ARFGAP3: variants seen among roughly 807,000 people sequenced by gnomAD.
ARFGAP3 encodes the protein ARF GTPase activating protein 3.
A neutral mutation model predicts 75.0 loss-of-function variants in ARFGAP3; 72 were observed. That is an observed-to-expected ratio of 0.96 (90% CI 0.79 to 1.17). The LOEUF is 1.17. Among genes scored for constraint, ARFGAP3 ranks in the 50% most tolerant of loss-of-function variants. ARFGAP3 has a pLI of 0.00. For synonymous variants in ARFGAP3, 221 were observed against 217.9 expected, an observed-to-expected ratio of 1.01 and a Z score of -0.13; for missense variants, 620 against 626.6, an observed-to-expected ratio of 0.99 and a Z score of 0.11.
chr22:42,828,641 A>G (rs1022560309), intron 6 of ARFGAP3, among the ~76,000 whole-genome samples: 4 of 150,234 alleles, frequency 2.7e-5, no homozygotes, highest in South Asian at 2.1e-4. Flanking sequence ...GAGGTTACAC[A>G]TATCTCCTGT....
chr22:42,823,789 CTTTATTA>C, intron 7 of ARFGAP3, 87 bp from the exon 8 acceptor site: 1 of 1,278,602 alleles, frequency 7.8e-7, no homozygotes, highest in Non-Finnish European at 1.0e-6. Context: ...AGATACTGCA[CTTTATTA>C]TTTAAGAGAT....
At chr22:42,822,842 T>C (rs1040814770) in intron 8 of ARFGAP3, among the ~76,000 whole-genome samples, 1 of 152,158 alleles carries the variant, frequency 6.6e-6, no homozygotes, top group Non-Finnish European at 1.5e-5. Context: ...CAGGCTCTCA[T>C]GCTGTTGACC....
At chr22:42,814,439 G>C (rs1925494019) in intron 11 of ARFGAP3, among the ~76,000 whole-genome samples, 1 of 152,138 alleles carries the variant, frequency 6.6e-6, no homozygotes, top group Non-Finnish European at 1.5e-5. Context: ...AATACACCAA[G>C]GTCTCTCTGG....
chr22:42,810,883 C>T lies in ARFGAP3; in HGVS notation c.1126G>A (p.Asp376Asn). ...CTGGTCTCTTTTTTCCAATAGGAAT[C>T]TGAACTGTCATCCCAGCTAGAGAAA... ...SSFSSWDDSSDSYWKKETSKD... is the reference protein window; with the variant it reads ...SSFSSWDDSSNSYWKKETSKD... Residue 376 changes from aspartate (D) to asparagine (N), a missense_variant, in exon 12 of 16, where the codon GAT (aspartate) becomes AAT (asparagine). Physicochemically the swap from Asp to Asn is conservative, Grantham distance 23 (BLOSUM62 1). Transcript: ENST00000263245. The T allele has an allele frequency of 6.2e-7, 1 of 1,614,214 alleles. No individual in the cohort carries two copies. The highest frequency in any genetic ancestry group is 8.5e-7 in the Non-Finnish European group (1 of 1,180,044).
intron 11 of ARFGAP3, among the ~76,000 whole-genome samples, chr22:42,811,584 GT>G (rs1569141124): frequency 6.6e-6 from 1 of 152,218 alleles, no homozygotes; most frequent in Non-Finnish European, 1.5e-5. Flanking sequence ...TCCTCCTGGA[GT>G]TGGATACAAA....
At chr22:42,834,370 G>A (rs758462538) in intron 4 of ARFGAP3, 45 bp from the exon 5 acceptor site, 20 of 1,597,388 alleles carry the variant, frequency 1.3e-5, no homozygotes, top group Middle Eastern at 1.7e-4. Flanking sequence ...CATCCGGCCT[G>A]TAAAGGATTT....
At chr22:42,845,377 T>C (rs1926967116) in intron 2 of ARFGAP3, among the ~76,000 whole-genome samples, 1 of 151,818 alleles carries the variant, frequency 6.6e-6, no homozygotes, top group South Asian at 2.1e-4. Context: ...GTACAAAACT[T>C]AGATGGACGT....
chr22:42,821,818 T>G (rs1174077783), intron 9 of ARFGAP3, among the ~76,000 whole-genome samples: 1 of 152,220 alleles, frequency 6.6e-6, no homozygotes, highest in African/African-American at 2.4e-5. Flanking sequence ...CAAACTGTTT[T>G]TCACAACAGT....
chr22:42,827,444 G>C (rs931588123), intron 6 of ARFGAP3, among the ~76,000 whole-genome samples: 2 of 152,084 alleles, frequency 1.3e-5, no homozygotes, highest in African/African-American at 4.8e-5. Context: ...TCGGCTCACT[G>C]CAACCTTCGC....
intron 5 of ARFGAP3, among the ~76,000 whole-genome samples, chr22:42,832,075 G>A (rs1231868977): frequency 6.6e-6 from 1 of 151,538 alleles, no homozygotes; most frequent in East Asian, 1.9e-4. Flanking sequence ...GAGCCAACAT[G>A]CCTGGCCTGT....
intron 3 of ARFGAP3, among the ~76,000 whole-genome samples, chr22:42,837,611 A>G (rs1230717309): frequency 1.7e-5 from 2 of 114,656 alleles, no homozygotes; most frequent in East Asian, 4.6e-4. Flanking sequence ...TAGGAGTGAG[A>G]CTCTATCTCA....
At chr22:42,856,693 C>A (rs893371117) in intron 1 of ARFGAP3, among the ~76,000 whole-genome samples, 11 of 152,206 alleles carry the variant, frequency 7.2e-5, no homozygotes, top group Non-Finnish European at 1.3e-4. Context: ...CGGGGTCGAG[C>A]TCCAGGGTGG....
At chr22:42,845,264 G>GTTTTTGGTTTT (rs1395477630) in intron 2 of ARFGAP3, among the ~76,000 whole-genome samples, 1,530 of 152,174 alleles carry the variant, frequency 0.01, 11 homozygotes, top group Admixed American at 0.018. Context: ...AGCTTTAGCC[G>GTTTTTGGTTTT]GGGTAATCCC....
chr22:42,798,938 A>G, intron 15 of ARFGAP3, 101 bp downstream of exon 15: 1 of 953,870 alleles, frequency 1.0e-6, no homozygotes, highest in Non-Finnish European at 1.7e-6. Flanking sequence ...ATCCAATAAT[A>G]TATAATTGAA....
intron 7 of ARFGAP3, among the ~76,000 whole-genome samples, chr22:42,824,031 C>CTTTT (rs71186543): frequency 1.4e-5 from 2 of 143,560 alleles, no homozygotes; most frequent in Non-Finnish European, 1.5e-5. Context: ...ATTACAACAA[C>CTTTT]TTTTTTTTTT....
At position 42,828,141 on chromosome 22, in the gene ARFGAP3, G is replaced by A. The variant is rs1448485096; in HGVS notation, c.566-1142C>T. Reference sequence around the variant, plus strand: ...ATCTACTAAAAAATACAAAGATGAGGGCCAGGTGTGGTGGCTCACGCCTGT... The same window carrying A: ...ATCTACTAAAAAATACAAAGATGAGAGCCAGGTGTGGTGGCTCACGCCTGT... On this transcript the variant is annotated intron_variant, in intron 6 of 15. Transcript: ENST00000263245. Among the ~76,000 whole-genome samples, 3 of 151,252 alleles carry A rather than the reference G, an allele frequency of 2.0e-5. No individual in the cohort carries two copies. The East Asian group carries it at 5.9e-4, about 30-fold the overall frequency.
chr22:42,856,493 C>T (rs1020485922), intron 1 of ARFGAP3, among the ~76,000 whole-genome samples: 1 of 151,742 alleles, frequency 6.6e-6, no homozygotes, highest in Non-Finnish European at 1.5e-5. Context: ...AGAACAGCCT[C>T]TGGAGACAAA....
chr22:42,823,734 C>T (rs1925913546), intron 7 of ARFGAP3, 32 bp from the exon 8 acceptor site: 2 of 1,486,516 alleles, frequency 1.3e-6, no homozygotes, highest in Non-Finnish European at 1.8e-6. Flanking sequence ...AAAGTAAGAC[C>T]AATAGAAATA....
At position 42,857,231 on chromosome 22, in the gene ARFGAP3, C is replaced by G. The variant is rs772466222; in HGVS notation, c.-49G>C. On this transcript the variant is annotated 5_prime_UTR_variant, in exon 1 of 16. Coordinates refer to ENST00000263245, the MANE Select transcript of ARFGAP3 (RefSeq NM_014570.5). ...GCTGGCCCAGCCAACCGGTAAGAGT[C>G]GACGAAAAGCGGCTACCGCCTCAGC... 6.0e-6 allele frequency: 9 copies of G among 1,489,958 alleles called. No individual in the cohort carries two copies. Among genetic ancestry groups the G allele is most frequent in the Non-Finnish European group, 8.1e-6 (9 of 1,115,678 alleles). The allele number at this position is 1,489,958 out of a possible 1,614,324, so 92.3% of individuals were successfully genotyped here.
Sources: allele counts gnomAD v4.1 joint callset (sites outside exome capture counted in the v4.1 genomes callset), GRCh38; gene constraint gnomAD v4.1.1; transcripts MANE v1.5; gene names NCBI Gene and HGNC (gene_info 2026-07-23, HGNC 2026-07-21).